Variants in MYOF observed in about 807,000 individuals in gnomAD.
MYOF encodes myoferlin.
A neutral mutation model predicts 284.2 loss-of-function variants in MYOF; 244 were observed. The observed-to-expected ratio is 0.86, with a 90% CI of 0.77 to 0.95. The LOEUF is 0.95. Ranked by LOEUF, MYOF falls within the 40% of genes least tolerant of loss-of-function variation. The pLI is 0.00. For missense variants in MYOF, 2,496 were observed against 2,560.6 expected (o/e 0.97, Z 0.54); for synonymous variants, 904 against 919.7 (o/e 0.98, Z 0.31).
intron 1 of MYOF, among the ~76,000 whole-genome samples, chr10:93,467,866 G>A (rs952350369): frequency 6.6e-6 from 1 of 152,208 alleles, no homozygotes. Context: ...CAGCAAACCT[G>A]TGCTCTTAAC....
chr10:93,372,852 A>G, intron 24 of MYOF, 78 bp downstream of exon 24: 2 of 1,521,706 alleles, frequency 1.3e-6, no homozygotes, highest in East Asian at 2.3e-5. Flanking sequence ...TGATTTGCAA[A>G]TGATATAAAG....
chr10:93,308,038 T>C (rs893099844), intron 53 of MYOF, among the ~76,000 whole-genome samples: 1 of 148,698 alleles, frequency 6.7e-6, no homozygotes, highest in African/African-American at 2.5e-5. Flanking sequence ...AGGTCAGGAG[T>C]TGGAGACCAG....
chr10:93,414,705 C>CT lies in MYOF; in HGVS notation c.434-4967dup, dbSNP rs749128109. Among the ~76,000 whole-genome samples, 16 of 152,164 alleles carry CT rather than the reference C, an allele frequency of 1.1e-4. No homozygotes were observed. The East Asian group carries it at 2.9e-3, about 28-fold the overall frequency. ...CTATTCAGTCCACTAGAGAGGCCAT[C>CT]TTTTTTGTTGTTTTTTGTGGTTTTG... On this transcript the variant is annotated intron_variant, in intron 5 of 53. Coordinates refer to ENST00000359263, the MANE Select transcript of MYOF (RefSeq NM_013451.4).
At chr10:93,408,317 T>A (rs571942347) in intron 7 of MYOF, among the ~76,000 whole-genome samples, 14 of 152,010 alleles carry the variant, frequency 9.2e-5, no homozygotes, top group Non-Finnish European at 1.6e-4. Flanking sequence ...TGTTGGCGGG[T>A]GGATCACTTG....
At chr10:93,417,637 A>T (rs1237377829) in intron 5 of MYOF, among the ~76,000 whole-genome samples, 1 of 151,914 alleles carries the variant, frequency 6.6e-6, no homozygotes, top group East Asian at 1.9e-4. Context: ...AGTCACTCAG[A>T]TATCAGATGT....
Position 93,323,352 on chromosome 10 carries a change from GT to G in MYOF, c.5277del (p.Lys1759AsnfsTer34). 6.2e-7 allele frequency: 1 copy of G among 1,610,648 alleles called. No individual in the cohort carries two copies. Among genetic ancestry groups the G allele is most frequent in the Non-Finnish European group, 8.5e-7 (1 of 1,177,302 alleles). On this transcript the variant is annotated frameshift_variant, in exon 47 of 54. Coordinates refer to ENST00000359263, the MANE Select transcript of MYOF (RefSeq NM_013451.4). LOFTEE classifies it high-confidence loss of function. ...GGGAAAACATCCACCCACATCTGAA[GT>G]TTTCCCTAAACCATTTGAAAATGAA... ...STFQPNISQG[K>X]LQMWVDVFPK...
chr10:93,322,578 T>C (rs1842889297), intron 48 of MYOF, among the ~76,000 whole-genome samples: 2 of 152,200 alleles, frequency 1.3e-5, no homozygotes, highest in Non-Finnish European at 2.9e-5. Context: ...ACACTTGACA[T>C]GTTGGATGCT....
At chr10:93,424,570 C>T (rs1316920222) in intron 5 of MYOF, among the ~76,000 whole-genome samples, 3 of 152,148 alleles carry the variant, frequency 2.0e-5, no homozygotes, top group East Asian at 1.9e-4. Context: ...CTCAGGGTGC[C>T]GCTAGGAAGA....
At chr10:93,406,288 T>TTTTA (rs1271223936) in intron 7 of MYOF, among the ~76,000 whole-genome samples, 9 of 58,148 alleles carry the variant, frequency 1.5e-4, no homozygotes, top group South Asian at 1.0e-3. Context: ...TAAACCTCTT[T>TTTTA]TATATATATA....
intron 10 of MYOF, 132 bp downstream of exon 10, chr10:93,402,723 TAAGAA>T: frequency 1.4e-6 from 1 of 734,566 alleles, no homozygotes; most frequent in Admixed American, 3.0e-5. Flanking sequence ...TCTCCCTCAT[TAAGAA>T]AATATTTTTT....
Position 93,409,557 on chromosome 10 carries a change from G to A in MYOF, c.600+16C>T, listed in dbSNP as rs374665372. On this transcript the variant is annotated intron_variant, in intron 6 of 53. Transcript: ENST00000359263. ...TAAAGATTAAACAAAGAAGCAGAAC[G>A]CCAGGCCGTTGCTACCTGGAAGTCC... The A allele has an allele frequency of 5.6e-6, 9 of 1,609,650 alleles. No individual in the cohort carries two copies. Among genetic ancestry groups the A allele is most frequent in the South Asian group, 5.5e-5 (5 of 90,534 alleles).
chr10:93,396,539 G>A (rs1348186180), intron 15 of MYOF, among the ~76,000 whole-genome samples: 1 of 152,194 alleles, frequency 6.6e-6, no homozygotes, highest in East Asian at 1.9e-4. Context: ...CACTGGTCTA[G>A]TAAGGTAATT....
At chr10:93,452,021 A>G (rs2056604516) in intron 3 of MYOF, 29 bp downstream of exon 3, 1 of 1,496,088 alleles carries the variant, frequency 6.7e-7, no homozygotes, top group South Asian at 1.2e-5. Flanking sequence ...TAATACCTAA[A>G]ATGAGAAAAA....
At chr10:93,321,644 C>G (rs1842846052) in intron 48 of MYOF, among the ~76,000 whole-genome samples, 1 of 152,148 alleles carries the variant, frequency 6.6e-6, no homozygotes, top group Non-Finnish European at 1.5e-5. Context: ...TGACCCACCC[C>G]TAAGGGTCAC....
In MYOF at chr10:93,456,941, C is replaced by A; in HGVS notation, c.89-4G>T. ...TTCTTTGTTTTCTTTTTCTCATCTG[C>A]AAAAGAGATAAAGGAAGAGACAGCA... On this transcript the variant is annotated splice_region_variant and splice_polypyrimidine_tract_variant and intron_variant, in intron 1 of 53. Coordinates refer to ENST00000359263, the MANE Select transcript of MYOF (RefSeq NM_013451.4). 2 of 1,599,334 alleles carry A rather than the reference C, an allele frequency of 1.3e-6. No homozygotes were observed.
chr10:93,399,029 T>G (rs1265085726), intron 13 of MYOF, among the ~76,000 whole-genome samples: 6 of 150,656 alleles, frequency 4.0e-5, no homozygotes, highest in Non-Finnish European at 5.9e-5. Context: ...AACAGGGCAC[T>G]GGGGGGGGGT....
At chr10:93,430,189 C>T (rs1290055240) in intron 4 of MYOF, among the ~76,000 whole-genome samples, 2 of 151,962 alleles carry the variant, frequency 1.3e-5, no homozygotes, top group Admixed American at 1.3e-4. Context: ...CCGCCTCAGC[C>T]TCCCAAAGTG....
At chr10:93,423,618 G>T (rs1293928582) in intron 5 of MYOF, among the ~76,000 whole-genome samples, 1 of 150,414 alleles carries the variant, frequency 6.6e-6, no homozygotes, top group Non-Finnish European at 1.5e-5. Context: ...TGGATCACGA[G>T]GTCAGGAGAT....
chr10:93,475,143 T>C (rs1035355104), intron 1 of MYOF, among the ~76,000 whole-genome samples: 3 of 152,194 alleles, frequency 2.0e-5, no homozygotes, highest in Non-Finnish European at 4.4e-5. Flanking sequence ...AGGGCCTTTG[T>C]ACCCTCATGC....
Sources: gnomAD v4.1 joint callset for allele counts (sites outside exome capture counted in the v4.1 genomes callset) on GRCh38, gnomAD v4.1.1 for gene constraint, MANE v1.5 for transcripts, NCBI Gene and HGNC (gene_info 2026-07-23, HGNC 2026-07-21) for gene names.